Variants in ZNF224 observed in about 807,000 individuals in gnomAD.
The protein encoded by ZNF224 is zinc finger protein 224.
ZNF224 carries 8 observed loss-of-function variants against 10.5 expected under a neutral mutation model. That is an observed-to-expected ratio of 0.76 (90% CI 0.45 to 1.37). The LOEUF (loss-of-function observed/expected upper bound fraction) is 1.37, where lower values mean the gene tolerates loss of function less well. ZNF224 is among the 40% of genes most tolerant of loss of function. The pLI is 0.00. For missense variants in ZNF224, 754 were observed against 854.0 expected (o/e 0.88, Z 1.46); for synonymous variants, 282 against 287.8 (o/e 0.98, Z 0.20).
rs780742341 is a variant in ZNF224, at chr19:44,106,406, C to A, written c.246C>A (p.Ile82=). ...IQREGNSGDK[I]QTEMETVSEA... ...TCTGTATTCTGATAGGAGACAAGAT[C>A]CAAACTGAGATGGAGACTGTTTCAG... Residue 82 remains isoleucine, a synonymous_variant, in exon 6 of 6, where the codon ATC becomes ATA. Transcript: ENST00000693561. 1 of 1,614,068 alleles carries A rather than the reference C, an allele frequency of 6.2e-7. No individual in the cohort carries two copies. The highest frequency in any genetic ancestry group is 2.2e-5 in the East Asian group (1 of 44,870).
chr19:44,095,177 T>C, intron 1 of ZNF224: 1 of 230,332 alleles, frequency 4.3e-6, no homozygotes. Flanking sequence ...TCCTTGGCTC[T>C]TTGACCGAGA....
At chr19:44,098,469 G>A (rs1665642005) in intron 3 of ZNF224, among the ~76,000 whole-genome samples, 1 of 152,136 alleles carries the variant, frequency 6.6e-6, no homozygotes. Context: ...TTTCCACACA[G>A]GAAGAGCTAG....
At position 44,107,678 on chromosome 19, in the gene ZNF224, C is replaced by T. The variant is rs1335274282; in HGVS notation, c.1518C>T (p.His506=). The stretch of plus-strand genomic sequence containing the variant: ...ATCTTCATTCCCATCAGAGAGTTCA[C>T]ACTGGAGAAAAGCCATACAAATGTG... ...NSHLHSHQRV[H]TGEKPYKCEK... The change falls in exon 6 of 6, where the codon CAC becomes CAT. Residue 506 remains histidine, a synonymous_variant. Coordinates refer to ENST00000693561, the MANE Select transcript of ZNF224 (RefSeq NM_001321645.3). 7 of 1,613,880 alleles carry T rather than the reference C, an allele frequency of 4.3e-6. No individual in the cohort carries two copies. The highest frequency in any genetic ancestry group is 5.9e-6 in the Non-Finnish European group (7 of 1,179,958).
intron 5 of ZNF224, chr19:44,105,495 G>A (rs1490811458): frequency 2.0e-5 from 3 of 151,082 alleles, no homozygotes; most frequent in Non-Finnish European, 2.9e-5. Flanking sequence ...TTTTATTATT[G>A]TCTTTTATTT....
At chr19:44,105,364 T>C (rs1967634229) in intron 5 of ZNF224, 1 of 152,224 alleles carries the variant, frequency 6.6e-6, no homozygotes, top group South Asian at 2.1e-4. Flanking sequence ...TTAAAATTGG[T>C]TTTGATTCAT....
intron 1 of ZNF224, 111 bp downstream of exon 1, chr19:44,094,641 CT>C (rs1293150913): frequency 6.6e-6 from 1 of 152,462 alleles, no homozygotes; most frequent in East Asian, 1.9e-4. Context: ...CGCGTCTCAC[CT>C]GGTTTCAGGG....
In ZNF224 at chr19:44,107,961, T is replaced by C. The variant is rs754845167; in HGVS notation, c.1801T>C (p.Cys601Arg). 5 of 1,614,140 alleles carry C rather than the reference T, an allele frequency of 3.1e-6. No homozygotes were observed. The South Asian group carries it at 3.3e-5, about 11-fold the overall frequency. The change falls in exon 6 of 6, where the codon TGT becomes CGT. Residue 601 changes from cysteine to arginine, a missense_variant. Coordinates refer to ENST00000693561, the MANE Select transcript of ZNF224 (RefSeq NM_001321645.3). Reference protein sequence around the residue: ...TGEKPYKCDECGKGFSWSSTR... With the variant: ...TGEKPYKCDERGKGFSWSSTR... ...AGAAAAGCCATACAAATGTGATGAG[T>C]GTGGGAAGGGCTTCAGCTGGTCCTC...
intron 3 of ZNF224, 51 bp from the exon 4 acceptor site, chr19:44,100,750 C>T (rs773994535): frequency 6.3e-7 from 1 of 1,592,372 alleles, no homozygotes; most frequent in South Asian, 1.1e-5. Context: ...CCACCCCTCT[C>T]CCAGGAATCA....
At position 44,107,665 on chromosome 19, in the gene ZNF224, A is replaced by C. The variant is rs780273035; in HGVS notation, c.1505A>C (p.His502Pro). The change falls in exon 6 of 6, where the codon CAT becomes CCT. Residue 502 changes from histidine (H) to proline (P), a missense_variant. Physicochemically the swap from His to Pro is moderately conservative, Grantham distance 77. Transcript: ENST00000693561. Reference protein sequence around the residue: ...RFTQNSHLHSHQRVHTGEKPY... With the variant: ...RFTQNSHLHSPQRVHTGEKPY... ...ACTCAAAATTCACATCTTCATTCCC[A>C]TCAGAGAGTTCACACTGGAGAAAAG... 53 of 1,614,056 alleles carry C rather than the reference A, an allele frequency of 3.3e-5. No homozygotes were observed. The highest frequency in any genetic ancestry group is 6.8e-6 in the Non-Finnish European group (8 of 1,180,026).
At chr19:44,101,285 A>G (rs1189683695) in intron 5 of ZNF224, 60 bp downstream of exon 5, 3 of 1,547,978 alleles carry the variant, frequency 1.9e-6, no homozygotes, top group Admixed American at 1.7e-5. Context: ...ACTTCTGTCC[A>G]TGCTCAAATC....
intron 5 of ZNF224, chr19:44,106,147 T>G (rs2147532729): frequency 2.0e-6 from 1 of 506,938 alleles, no homozygotes. Context: ...GTATAAGCGT[T>G]TCTTCTCACC....
Position 44,106,348 on chromosome 19 carries a change from G to A in ZNF224, c.236-48G>A, listed in dbSNP as rs760963512. The A allele has an allele frequency of 1.9e-6, 3 of 1,597,518 alleles. No homozygotes were observed. In the Admixed American group the frequency reaches 5.0e-5, roughly 27 times the overall value. On this transcript the variant is annotated intron_variant, in intron 5 of 5. Coordinates refer to ENST00000693561, the MANE Select transcript of ZNF224 (RefSeq NM_001321645.3). ...GCCTAAGTGAAATCTTGATAACACT[G>A]AACAAAGGCTTCACTTGTCCTCATC...
At position 44,100,945 on chromosome 19, in the gene ZNF224, C is replaced by G. The variant is rs1329051367; in HGVS notation, c.142+18C>G. ...CTCAGTGGGTGAGGACAGGCACCCT[C>G]TGTAACAGAACGTCAGGCCCCAGAG... On this transcript the variant is annotated intron_variant, in intron 4 of 5. Transcript: ENST00000693561. 6 of 1,612,584 alleles carry G rather than the reference C, an allele frequency of 3.7e-6. No individual in the cohort carries two copies. The South Asian group carries it at 5.5e-5, about 15-fold the overall frequency.
intron 5 of ZNF224, among the ~76,000 whole-genome samples, chr19:44,101,835 T>G (rs1465424643): frequency 6.6e-6 from 1 of 152,218 alleles, no homozygotes; most frequent in Non-Finnish European, 1.5e-5. Flanking sequence ...CTAGGCACTG[T>G]CCATACTCCT....
At chr19:44,097,781 T>C in intron 2 of ZNF224, 25 bp from the exon 3 acceptor site, 1 of 1,469,080 alleles carries the variant, frequency 6.8e-7, no homozygotes, top group South Asian at 1.2e-5. Flanking sequence ...ATGTCTCTTT[T>C]TCTGCCTTTC....
intron 5 of ZNF224, among the ~76,000 whole-genome samples, chr19:44,105,182 T>A (rs182018976): frequency 6.6e-6 from 1 of 152,316 alleles, no homozygotes; most frequent in Non-Finnish European, 1.5e-5. Context: ...GTGACCTAGT[T>A]TTACTCTCAA....
chr19:44,100,539 T>C (rs187197761), intron 3 of ZNF224, among the ~76,000 whole-genome samples: 1 of 152,302 alleles, frequency 6.6e-6, no homozygotes, highest in East Asian at 1.9e-4. Flanking sequence ...TTTAGAGTCC[T>C]AGAGGGTTAC....
At chr19:44,097,668 T>A in intron 2 of ZNF224, 138 bp from the exon 3 acceptor site, 1 of 540,920 alleles carries the variant, frequency 1.8e-6, no homozygotes, top group Non-Finnish European at 3.3e-6. Flanking sequence ...GGCATTTTGG[T>A]TGTGCCGTTT....
chr19:44,101,027 T>TA, intron 4 of ZNF224, 100 bp downstream of exon 4: 2 of 1,604,644 alleles, frequency 1.2e-6, no homozygotes. Flanking sequence ...CTTGAACCTA[T>TA]GGTTCAAGTT....
Sources: allele counts gnomAD v4.1 joint callset (sites outside exome capture counted in the v4.1 genomes callset), GRCh38; gene constraint gnomAD v4.1.1; transcripts MANE v1.5; gene names NCBI Gene and HGNC (gene_info 2026-07-23, HGNC 2026-07-21).